SLCO3A1: variants seen among roughly 807,000 people sequenced by gnomAD.
SLCO3A1 encodes the protein PGE1 transporter.
A neutral mutation model predicts 63.1 loss-of-function variants in SLCO3A1; 27 were observed. The observed-to-expected ratio is 0.43, with a 90% CI of 0.32 to 0.59. The LOEUF is 0.59. SLCO3A1 is among the 20% of genes least tolerant of loss of function. The pLI, the probability that SLCO3A1 is intolerant of heterozygous loss-of-function variation, is 0.09. For missense variants in SLCO3A1, 773 were observed against 945.8 expected (o/e 0.82, Z 2.40); for synonymous variants, 473 against 409.9 (o/e 1.15, Z -1.86).
In SLCO3A1 at chr15:91,894,292, T is replaced by C. The variant is rs1335160083; in HGVS notation, c.181-21701T>C. On this transcript the variant is annotated intron_variant, in intron 1 of 9. Transcript: ENST00000318445. This position sits in a 1 kb window ranked among gnomAD's most constrained non-coding sequence, Gnocchi z 4.8. ...AGGCCAGGAGGGTCCGGAGTTAGGATTTTATTCCAGGCCCATGGGGAGCCA... is the reference window on the plus strand; with the variant it reads ...AGGCCAGGAGGGTCCGGAGTTAGGACTTTATTCCAGGCCCATGGGGAGCCA... 6.6e-6 allele frequency among the ~76,000 whole-genome samples: 1 copy of C among 152,096 alleles called. No homozygotes were observed. Among genetic ancestry groups the C allele is most frequent in the Non-Finnish European group, 1.5e-5 (1 of 68,006 alleles).
At chr15:92,141,808 AAC>A (rs2048136142) in intron 7 of SLCO3A1, among the ~76,000 whole-genome samples, 10 of 152,304 alleles carry the variant, frequency 6.6e-5, no homozygotes, top group African/African-American at 2.4e-4. Flanking sequence ...CCCTTAGCAC[AAC>A]GTTGGACAAA....
At chr15:91,951,293 T>C (rs149118395) in intron 2 of SLCO3A1, among the ~76,000 whole-genome samples, 1 of 152,338 alleles carries the variant, frequency 6.6e-6, no homozygotes, top group East Asian at 1.9e-4. Context: ...TTTCTGGACA[T>C]TTAATATACA....
rs2151605413 is a variant in SLCO3A1, at chr15:92,163,210, C to T, written c.*75C>T. 1.4e-6 allele frequency: 2 copies of T among 1,441,812 alleles called. No homozygotes were observed. The highest frequency in any genetic ancestry group is 1.8e-6 in the Non-Finnish European group (2 of 1,105,452). 89.3% of individuals were successfully genotyped at this position (1,441,812 alleles called of 1,614,324 possible). A position where few individuals can be genotyped will look rare whatever the true frequency, so the allele number is the denominator to read the frequency against. On this transcript the variant is annotated 3_prime_UTR_variant, in exon 10 of 10. Transcript: ENST00000318445. ...TTCTTAAAAAAAGAAAAAAAGGTTC[C>T]AAAAAAAACCAAAACTCAGTACACA...
At chr15:92,097,094 A>G (rs1053686671) in intron 3 of SLCO3A1, among the ~76,000 whole-genome samples, 1 of 152,220 alleles carries the variant, frequency 6.6e-6, no homozygotes, top group African/African-American at 2.4e-5. Flanking sequence ...GAAGGGTAGC[A>G]AAGTGGCCAG....
intron 2 of SLCO3A1, among the ~76,000 whole-genome samples, chr15:91,944,424 A>G (rs571850322): frequency 6.6e-6 from 1 of 152,258 alleles, no homozygotes; most frequent in South Asian, 2.1e-4. Context: ...GAGACAAAGC[A>G]TTGGGTGAAC....
chr15:92,033,722 C>CA lies in SLCO3A1; in HGVS notation c.647-61153dup, dbSNP rs1191896253. On this transcript the variant is annotated intron_variant, in intron 2 of 9. Coordinates refer to ENST00000318445, the MANE Select transcript of SLCO3A1 (RefSeq NM_013272.4). This position sits in a 1 kb window ranked among gnomAD's most constrained non-coding sequence, Gnocchi z 4.5. ...AGAGTAGGTGGTGGCTCGCTGGTGG[C>CA]AAAAAAGACGGGGATAGGAGTGTTG... Among the ~76,000 whole-genome samples the CA allele has an allele frequency of 4.6e-5, 7 of 151,940 alleles. No individual in the cohort carries two copies. The highest frequency in any genetic ancestry group is 1.9e-4 in the East Asian group (1 of 5,184).
intron 7 of SLCO3A1, among the ~76,000 whole-genome samples, chr15:92,132,204 C>T (rs796770669): frequency 2.1e-5 from 3 of 146,144 alleles, no homozygotes; most frequent in African/African-American, 7.4e-5. Flanking sequence ...TCGTTTCCAT[C>T]AAGACGTGAA....
chr15:91,915,670 G>C (rs951305676), intron 1 of SLCO3A1, among the ~76,000 whole-genome samples: 1 of 152,146 alleles, frequency 6.6e-6, no homozygotes, highest in Non-Finnish European at 1.5e-5. Context: ...TGGGCTGTCT[G>C]TGGTGGAGGT....
intron 1 of SLCO3A1, among the ~76,000 whole-genome samples, chr15:91,891,281 T>A (rs1897864169): frequency 6.6e-6 from 1 of 152,176 alleles, no homozygotes; most frequent in African/African-American, 2.4e-5. Flanking sequence ...TCAGCTCCAT[T>A]TAGGACTACC....
rs181312376 is a variant in SLCO3A1 at position 91,900,518 on chromosome 15, C to T, written c.181-15475C>T. ...CTAATTTTTGTATTTTCAGTAGAGA[C>T]GGGTTTCACCATGTTGGCCAGGCTT... On this transcript the variant is annotated intron_variant, in intron 1 of 9. Coordinates refer to ENST00000318445, the MANE Select transcript of SLCO3A1 (RefSeq NM_013272.4). The surrounding 1 kb of genome is among the most constrained non-coding windows in gnomAD (Gnocchi z 4.3). 9.2e-5 allele frequency among the ~76,000 whole-genome samples: 14 copies of T among 152,122 alleles called. No individual in the cohort carries two copies. In the East Asian group the frequency reaches 1.9e-3, roughly 21 times the overall value.
chr15:92,155,594 G>A (rs1385718349), intron 9 of SLCO3A1, among the ~76,000 whole-genome samples: 3 of 151,954 alleles, frequency 2.0e-5, no homozygotes, highest in Non-Finnish European at 4.4e-5. Flanking sequence ...CAGCAGGTGA[G>A]CAGGGCATGA....
At chr15:92,078,998 C>T (rs549564216) in intron 2 of SLCO3A1, among the ~76,000 whole-genome samples, 1 of 152,204 alleles carries the variant, frequency 6.6e-6, no homozygotes, top group Non-Finnish European at 1.5e-5. Context: ...TTGTGTACCA[C>T]GTTTAGGAAA....
At chr15:92,171,819 C>T in exon 11 of SLCO3A1, 1 of 1,551,616 alleles carries the variant, frequency 6.4e-7, no homozygotes, top group Non-Finnish European at 8.7e-7. Flanking sequence ...AAAACCTGCC[C>T]CGAATCACAT....
At chr15:92,040,005 G>A (rs1378137657) in intron 2 of SLCO3A1, among the ~76,000 whole-genome samples, 1 of 152,154 alleles carries the variant, frequency 6.6e-6, no homozygotes, top group Admixed American at 6.5e-5. Context: ...ATAAGTGGGA[G>A]CTGAGCAGTG....
chr15:91,996,885 A>G lies in SLCO3A1; in HGVS notation c.646+80427A>G, dbSNP rs536015607. On this transcript the variant is annotated intron_variant, in intron 2 of 9. Coordinates refer to ENST00000318445, the MANE Select transcript of SLCO3A1 (RefSeq NM_013272.4). ...ATGAAAAGCCAAAAATTTAAAATGT[A>G]TAGTGAAAAAACACAAAAACCCTAA... is the stretch of plus-strand genomic sequence containing the variant. Among the ~76,000 whole-genome samples the G allele has an allele frequency of 1.4e-4, 22 of 152,350 alleles. No individual in the cohort carries two copies. In the East Asian group the frequency reaches 3.9e-3, roughly 27 times the overall value.
chr15:92,072,336 T>A (rs906686721), intron 2 of SLCO3A1, among the ~76,000 whole-genome samples: 1 of 152,168 alleles, frequency 6.6e-6, no homozygotes, highest in Non-Finnish European at 1.5e-5. Flanking sequence ...GTGGTTGTTG[T>A]TGTCGGCTCA....
chr15:92,136,142 T>C (rs2048054497), intron 7 of SLCO3A1, among the ~76,000 whole-genome samples: 1 of 152,218 alleles, frequency 6.6e-6, no homozygotes, highest in South Asian at 2.1e-4. Flanking sequence ...AATTTTCATG[T>C]ATCTCTGCTA....
intron 2 of SLCO3A1, among the ~76,000 whole-genome samples, chr15:91,983,603 T>C (rs1187591983): frequency 6.6e-6 from 1 of 152,194 alleles, no homozygotes; most frequent in Non-Finnish European, 1.5e-5. Context: ...ACAAGTAAAT[T>C]ACTTACATCT....
intron 2 of SLCO3A1, among the ~76,000 whole-genome samples, chr15:92,070,003 C>T (rs1300036919): frequency 2.6e-5 from 4 of 152,182 alleles, no homozygotes; most frequent in Non-Finnish European, 5.9e-5. Flanking sequence ...AGGTCGAGCA[C>T]GATGAAGACT....
Sources: allele counts gnomAD v4.1 joint callset (sites outside exome capture counted in the v4.1 genomes callset), GRCh38; gene constraint gnomAD v4.1.1; non-coding constraint Gnocchi (gnomAD v3.1); transcripts MANE v1.5; gene names NCBI Gene and HGNC (gene_info 2026-07-23, HGNC 2026-07-21).